Variants in DMD observed in about 807,000 individuals in gnomAD.
The protein encoded by DMD is dystrophin, also known as mutant dystrophin.
A neutral mutation model predicts 330.1 loss-of-function variants in DMD; 63 were observed. That is an observed-to-expected ratio of 0.19 (90% CI 0.16 to 0.24). DMD has a LOEUF of 0.24. Ranked by LOEUF, DMD falls within the 10% of genes least tolerant of loss-of-function variation. The pLI is 1.00. For synonymous variants in DMD, 1,223 were observed against 959.8 expected, an observed-to-expected ratio of 1.27 and a Z score of -5.07; for missense variants, 3,344 against 2,684.1, an observed-to-expected ratio of 1.25 and a Z score of -5.43.
intron 9 of DMD, among the ~76,000 whole-genome samples, chrX:32,680,977 A>G (rs2062373737): frequency 8.9e-6 from 1 of 111,828 alleles, no homozygotes; most frequent in African/African-American, 3.3e-5. Flanking sequence ...ATCACTTTTC[A>G]CTGATTTCTT....
chrX:32,594,302 C>A (rs1569271084), intron 13 of DMD, among the ~76,000 whole-genome samples: 1 of 111,257 alleles, frequency 9.0e-6, no homozygotes, highest in African/African-American at 3.3e-5. Flanking sequence ...CCTTTTTGAG[C>A]CTCTGGATGG....
At chrX:31,391,398 C>A (rs756399443) in intron 60 of DMD, among the ~76,000 whole-genome samples, 3 of 110,853 alleles carry the variant, frequency 2.7e-5, no homozygotes, top group Admixed American at 9.6e-5. Context: ...TGAGCCACTG[C>A]GCCTGGAGCA....
intron 29 of DMD, among the ~76,000 whole-genome samples, chrX:32,422,613 T>C (rs1432463812): frequency 9.0e-6 from 1 of 111,662 alleles, no homozygotes; most frequent in East Asian, 2.8e-4. Flanking sequence ...TCTCCAATTT[T>C]CTTTGATACT....
In DMD at chrX:33,219,306, T is replaced by TTTTGTG. The variant is rs1363727434; in HGVS notation, c.7+119952_7+119953insCACAAA. On this transcript the variant is annotated intron_variant, in intron 1 of 17. Transcript: ENST00000288447. Reference sequence around the variant, plus strand: ...TCTATGGTTGATACTTTAGAGATTATTGTGTGTGTGTGTGTGTGTGTGTGT... The same window carrying TTTTGTG: ...TCTATGGTTGATACTTTAGAGATTATTTTGTGTGTGTGTGTGTGTGTGTGTGTGTGT... Among the ~76,000 whole-genome samples the TTTTGTG allele has an allele frequency of 9.6e-5, 7 of 72,976 alleles. No homozygotes were observed. In the East Asian group the frequency reaches 1.3e-3, roughly 14 times the overall value. 63.4% of individuals were successfully genotyped at this position (72,976 alleles called of 115,157 possible).
At chrX:31,696,279 C>T (rs2083446609) in intron 52 of DMD, among the ~76,000 whole-genome samples, 1 of 111,318 alleles carries the variant, frequency 9.0e-6, no homozygotes, top group Non-Finnish European at 1.9e-5. Context: ...ACTGTGGTAT[C>T]AATAGAATAT....
chrX:31,136,875 G>C (rs140132304), intron 76 of DMD, among the ~76,000 whole-genome samples: 170 of 112,369 alleles, frequency 1.5e-3, no homozygotes, highest in African/African-American at 5.4e-3. Flanking sequence ...TTTTAAGGCA[G>C]TGATAATTGT....
intron 16 of DMD, among the ~76,000 whole-genome samples, chrX:32,546,479 T>C (rs2048976010): frequency 9.0e-6 from 1 of 110,957 alleles, no homozygotes; most frequent in Non-Finnish European, 1.9e-5. Flanking sequence ...CTGATTCCTT[T>C]CATGTGAGGA....
At chrX:32,308,623 AC>A (rs1234841115) in intron 42 of DMD, among the ~76,000 whole-genome samples, 1 of 110,969 alleles carries the variant, frequency 9.0e-6, no homozygotes, top group Non-Finnish European at 1.9e-5. Context: ...CATATTATAA[AC>A]CGCAGTAATC....
At chrX:32,666,324 A>G (rs1381437440) in intron 9 of DMD, among the ~76,000 whole-genome samples, 1 of 110,751 alleles carries the variant, frequency 9.0e-6, no homozygotes, top group Non-Finnish European at 1.9e-5. Context: ...CCCTGCATGC[A>G]TTAGGTATTT....
chrX:33,331,053 C>G (rs780915344), intron 1 of DMD, among the ~76,000 whole-genome samples: 2 of 112,426 alleles, frequency 1.8e-5, no homozygotes, highest in Non-Finnish European at 3.8e-5. Flanking sequence ...TCATCTTGCT[C>G]TAGCACAGAG....
Position 33,135,403 on chromosome X carries a change from A to G in DMD, c.31+75879T>C, listed in dbSNP as rs996476713. Among the ~76,000 whole-genome samples the G allele has an allele frequency of 2.0e-4, 23 of 112,473 alleles. No individual in the cohort carries two copies. The Admixed American group carries it at 2.2e-3, about 11-fold the overall frequency. On this transcript the variant is annotated intron_variant, in intron 1 of 78. Transcript: ENST00000357033. ...ACTTGTACATCTGCTCAAAAATTTT[A>G]TAAAATATGCTAGATCATTTCTATT...
At chrX:33,178,421 C>G (rs2049794332) in intron 1 of DMD, among the ~76,000 whole-genome samples, 1 of 111,819 alleles carries the variant, frequency 8.9e-6, no homozygotes, top group African/African-American at 3.3e-5. Flanking sequence ...ACTCATGTGG[C>G]AAGGCAACAA....
intron 7 of DMD, among the ~76,000 whole-genome samples, chrX:32,725,533 A>C (rs2066776641): frequency 9.0e-6 from 1 of 110,824 alleles, no homozygotes. Flanking sequence ...AAAAACAAAG[A>C]GTCAAAAAAG....
chrX:32,505,362 C>T (rs2044513631), intron 18 of DMD, among the ~76,000 whole-genome samples: 1 of 112,222 alleles, frequency 8.9e-6, no homozygotes, highest in African/African-American at 3.2e-5. Context: ...AAATCCTTAA[C>T]AGACACCTCA....
intron 61 of DMD, among the ~76,000 whole-genome samples, chrX:31,341,883 G>GCACACACA (rs1556527128): frequency 0.01 from 547 of 53,379 alleles, 6 homozygotes; most frequent in African/African-American, 0.056. Context: ...GCGCGTGCGT[G>GCACACACA]CGCGCGCGCA....
At chrX:33,168,835 TA>T (rs1433690348) in intron 1 of DMD, among the ~76,000 whole-genome samples, 2 of 110,426 alleles carry the variant, frequency 1.8e-5, no homozygotes, top group East Asian at 5.6e-4. Flanking sequence ...TTATATTCCC[TA>T]AGTAAAATAA....
In DMD at chrX:31,836,665, G is replaced by T. The variant is rs1379871; in HGVS notation, c.7200+53C>A. ...ACGTCAATGGCAAATGTACAACAGG[G>T]GAAGCATAACCCATTATGAGGTAAT... On this transcript the variant is annotated intron_variant, in intron 49 of 78. Coordinates refer to ENST00000357033, the MANE Select transcript of DMD (RefSeq NM_004006.3). The T allele has an allele frequency of 1.6e-5, 16 of 981,791 alleles. No individual in the cohort carries two copies. In the African/African-American group the frequency reaches 1.9e-4, roughly 12 times the overall value. 80.9% of individuals were successfully genotyped at this position (981,791 alleles called of 1,213,427 possible).
chrX:32,193,746 C>G (rs139033813), intron 44 of DMD, among the ~76,000 whole-genome samples: 3 of 111,708 alleles, frequency 2.7e-5, no homozygotes, highest in Admixed American at 9.5e-5. Flanking sequence ...GGTCTTTAAC[C>G]TGGCATCTGT....
At chrX:33,070,158 A>AT (rs1389379611) in intron 1 of DMD, among the ~76,000 whole-genome samples, 5 of 112,095 alleles carry the variant, frequency 4.5e-5, no homozygotes, top group Admixed American at 1.9e-4. Flanking sequence ...TTAAAATCTC[A>AT]TCTAAACATT....
Sources: allele counts gnomAD v4.1 joint callset (sites outside exome capture counted in the v4.1 genomes callset), GRCh38; gene constraint gnomAD v4.1.1; transcripts MANE v1.5; gene names NCBI Gene and HGNC (gene_info 2026-07-23, HGNC 2026-07-21).